Variants in GUCA1C observed in about 807,000 individuals in gnomAD.
GUCA1C encodes the protein guanylyl cyclase-activating protein 3.
GUCA1C carries 15 observed loss-of-function variants against 16.2 expected under a neutral mutation model. The ratio of observed to expected loss-of-function variants is 0.93; its 90% confidence interval spans 0.62 to 1.43. The LOEUF is 1.43. Among genes scored for constraint, GUCA1C ranks in the 40% most tolerant of loss-of-function variants. The pLI is 0.00. For synonymous variants in GUCA1C, 78 were observed against 85.4 expected, an observed-to-expected ratio of 0.91 and a Z score of 0.48; for missense variants, 275 against 244.8, an observed-to-expected ratio of 1.12 and a Z score of -0.82.
intron 1 of GUCA1C, among the ~76,000 whole-genome samples, chr3:108,952,269 C>T (rs997766360): frequency 6.6e-6 from 1 of 152,184 alleles, no homozygotes; most frequent in African/African-American, 2.4e-5. Flanking sequence ...TGGCATCATG[C>T]TTATAGTATC....
chr3:108,920,270 C>T (rs561297533), intron 2 of GUCA1C, among the ~76,000 whole-genome samples, 166 bp downstream of exon 2: 43 of 152,166 alleles, frequency 2.8e-4, no homozygotes, highest in African/African-American at 9.4e-4. Context: ...TTGCTGTTGC[C>T]CATTCAGTAA....
intron 1 of GUCA1C, among the ~76,000 whole-genome samples, chr3:108,940,013 G>A (rs1946769879): frequency 6.6e-6 from 1 of 152,154 alleles, no homozygotes; most frequent in South Asian, 2.1e-4. Flanking sequence ...GTATGTCAGT[G>A]GGTAAAGTTG....
In GUCA1C at chr3:108,916,213, G is replaced by A. The variant is rs11917716; in HGVS notation, c.356C>T (p.Ala119Val). Residue 119 changes from alanine (A) to valine (V), a missense_variant and splice_region_variant, in exon 3 of 4, where the codon GCG (alanine) becomes GTG (valine). Ala to Val is a moderately conservative substitution (Grantham distance 64). Transcript: ENST00000261047. ...DKNELLDMFM[A>V]VQALNGQQTL... The stretch of plus-strand genomic sequence containing the variant: ...TTGCTGGCCATTGAGGGCTTGTACC[G>A]CCTGCAAAAAGACATTAAATGAAAG... 4.4e-3 allele frequency: 7,045 copies of A among 1,603,720 alleles called. 269 individuals are homozygous for A. In the African/African-American group the frequency reaches 0.082, roughly 19 times the overall value.
At chr3:108,914,056 A>G (rs906253077) in intron 3 of GUCA1C, among the ~76,000 whole-genome samples, 5 of 152,088 alleles carry the variant, frequency 3.3e-5, no homozygotes, top group African/African-American at 1.2e-4. Flanking sequence ...ACAAAGCAAG[A>G]CTCCATTTTA....
rs143403708 is a variant in GUCA1C, at chr3:108,940,021, T to C, written c.204+13538A>G. On this transcript the variant is annotated intron_variant, in intron 1 of 3. Coordinates refer to ENST00000261047, the MANE Select transcript of GUCA1C (RefSeq NM_005459.4). ...TTTAAATGTATGTCAGTGGGTAAAG[T>C]TGATGTCTTTAACAGGTAAAATTCT... Among the ~76,000 whole-genome samples the C allele has an allele frequency of 6.4e-3, 973 of 152,308 alleles. 5 individuals carry two copies. The highest frequency in any genetic ancestry group is 0.02 in the Middle Eastern group (6 of 294).
upstream of GUCA1C, chr3:108,953,919 C>A: frequency 1.7e-6 from 1 of 601,980 alleles, no homozygotes; most frequent in Non-Finnish European, 3.0e-6. Flanking sequence ...AATAGAAAGC[C>A]AGTGAGATTA....
chr3:108,922,461 G>A (rs552250451), intron 1 of GUCA1C, among the ~76,000 whole-genome samples: 1 of 152,228 alleles, frequency 6.6e-6, no homozygotes, highest in Admixed American at 6.5e-5. Flanking sequence ...CACCAGCAGT[G>A]TAAAAGTGTT....
intron 3 of GUCA1C, among the ~76,000 whole-genome samples, chr3:108,912,711 C>CAAAAAAAA (rs10664351): frequency 2.1e-5 from 3 of 143,492 alleles, no homozygotes; most frequent in Non-Finnish European, 3.0e-5. Flanking sequence ...TTGTTAATTT[C>CAAAAAAAA]AAAAAAAAAA....
chr3:108,939,852 T>C (rs974625852), intron 1 of GUCA1C, among the ~76,000 whole-genome samples: 1 of 152,084 alleles, frequency 6.6e-6, no homozygotes, highest in Non-Finnish European at 1.5e-5. Context: ...AAACAAAACA[T>C]TGTTTTGATT....
chr3:108,934,965 C>T (rs1444283549), intron 1 of GUCA1C, among the ~76,000 whole-genome samples: 1 of 151,836 alleles, frequency 6.6e-6, no homozygotes, highest in Admixed American at 6.6e-5. Flanking sequence ...AGGCGCCCGC[C>T]ACCACGCCCG....
At chr3:108,932,129 C>T (rs1271952390) in intron 1 of GUCA1C, among the ~76,000 whole-genome samples, 1 of 151,708 alleles carries the variant, frequency 6.6e-6, no homozygotes, top group Non-Finnish European at 1.5e-5. Flanking sequence ...GGATTGCAGG[C>T]TTGAGCCACC....
chr3:108,917,426 C>T (rs968106809), intron 2 of GUCA1C, among the ~76,000 whole-genome samples: 2 of 151,758 alleles, frequency 1.3e-5, no homozygotes, highest in African/African-American at 2.4e-5. Context: ...CAGCTTGCTC[C>T]GTTTTCCTTC....
intron 1 of GUCA1C, among the ~76,000 whole-genome samples, chr3:108,939,056 T>A (rs567871759): frequency 3.0e-4 from 45 of 152,280 alleles, no homozygotes; most frequent in African/African-American, 1.0e-3. Flanking sequence ...CACAGTAGCC[T>A]TTTGCAAGGA....
At chr3:108,938,529 G>A (rs1946752798) in intron 1 of GUCA1C, among the ~76,000 whole-genome samples, 1 of 152,172 alleles carries the variant, frequency 6.6e-6, no homozygotes, top group African/African-American at 2.4e-5. Context: ...GGTCCTTTCA[G>A]ATTAAATATA....
At chr3:108,927,814 T>C (rs939236815) in intron 1 of GUCA1C, among the ~76,000 whole-genome samples, 8 of 152,154 alleles carry the variant, frequency 5.3e-5, no homozygotes, top group Admixed American at 1.3e-4. Flanking sequence ...ATCAGAATTG[T>C]TTTTCTGGTT....
intron 3 of GUCA1C, among the ~76,000 whole-genome samples, chr3:108,910,045 CACTG>C (rs889956046): frequency 6.6e-6 from 1 of 152,250 alleles, no homozygotes; most frequent in Non-Finnish European, 1.5e-5. Context: ...AGAAGGCACA[CACTG>C]ACTAATTGCC....
chr3:108,916,100 T>C lies in GUCA1C; in HGVS notation c.442+27A>G, dbSNP rs546171523. ...ACCATCTCCTACTTTGTAGGAAAAG[T>C]GATCCAGTAGAGAGTAGCTCCATTA... On this transcript the variant is annotated intron_variant, in intron 3 of 3. Transcript: ENST00000261047. 3 of 1,610,752 alleles carry C rather than the reference T, an allele frequency of 1.9e-6. No homozygotes were observed. The South Asian group carries it at 3.3e-5, about 18-fold the overall frequency.
At chr3:108,923,166 T>C (rs1946585405) in intron 1 of GUCA1C, among the ~76,000 whole-genome samples, 1 of 152,190 alleles carries the variant, frequency 6.6e-6, no homozygotes, top group African/African-American at 2.4e-5. Context: ...GCAGAAGCTT[T>C]TTAGTTTGAT....
intron 2 of GUCA1C, among the ~76,000 whole-genome samples, chr3:108,918,358 T>C (rs1282224239): frequency 6.6e-6 from 1 of 152,218 alleles, no homozygotes; most frequent in African/African-American, 2.4e-5. Flanking sequence ...CAGTGTTCCA[T>C]GCCTGATCTA....
Sources: gnomAD v4.1 joint callset for allele counts (sites outside exome capture counted in the v4.1 genomes callset) on GRCh38, gnomAD v4.1.1 for gene constraint, MANE v1.5 for transcripts, NCBI Gene and HGNC (gene_info 2026-07-23, HGNC 2026-07-21) for gene names.